Variants in CHST9 observed in about 807,000 individuals in gnomAD.
CHST9 encodes the protein carbohydrate sulfotransferase 9, also known as GalNAc-4-sulfotransferase 2.
CHST9 carries 41 observed loss-of-function variants against 44.4 expected under a neutral mutation model. The observed-to-expected ratio is 0.92, with a 90% CI of 0.72 to 1.20. The LOEUF is 1.20. Among genes scored for constraint, CHST9 ranks in the 50% most tolerant of loss-of-function variants. The pLI, the probability that CHST9 is intolerant of heterozygous loss-of-function variation, is 0.00. For synonymous variants in CHST9, 171 were observed against 178.4 expected (o/e 0.96, Z 0.33); for missense variants, 504 against 516.5 (o/e 0.98, Z 0.23).
In CHST9 at chr18:26,911,864, T is replaced by C. The variant is rs1015841475; in HGVS notation, c.*4395A>G. 1 of 43,588 alleles carries C rather than the reference T, an allele frequency of 2.3e-5. No individual in the cohort carries two copies. Among genetic ancestry groups the C allele is most frequent in the African/African-American group, 1.2e-4 (1 of 8,634 alleles). 2.7% of individuals were successfully genotyped at this position (43,588 alleles called of 1,614,324 possible). A position where few individuals can be genotyped will look rare whatever the true frequency, so the allele number is the denominator to read the frequency against. ...TATTTATTTTCACCTGGTTTCATGGTGTTTTTTCAGTCGGTTTAAGTCAGC... is the reference window on the plus strand; with the variant it reads ...TATTTATTTTCACCTGGTTTCATGGCGTTTTTTCAGTCGGTTTAAGTCAGC... On this transcript the variant is annotated 3_prime_UTR_variant, in exon 6 of 6. Transcript: ENST00000618847.
At chr18:27,056,226 G>C (rs2057653805) in intron 2 of CHST9, among the ~76,000 whole-genome samples, 1 of 152,088 alleles carries the variant, frequency 6.6e-6, no homozygotes, top group South Asian at 2.1e-4. Context: ...CCTACTATGA[G>C]TTGGGCATTC....
chr18:27,012,102 C>A (rs968015435), intron 4 of CHST9, among the ~76,000 whole-genome samples: 1 of 152,156 alleles, frequency 6.6e-6, no homozygotes, highest in Non-Finnish European at 1.5e-5. Flanking sequence ...AGTATGCTCC[C>A]AAGTCCATAA....
At position 27,112,578 on chromosome 18, in the gene CHST9, CGTGTGTGTGTGTGTGT is replaced by C. The variant is rs35249332; in HGVS notation, c.121+30095_121+30110del. Among the ~76,000 whole-genome samples the C allele has an allele frequency of 4.3e-5, 6 of 140,528 alleles. No homozygotes were observed. In the East Asian group the frequency reaches 6.2e-4, roughly 14 times the overall value. 92.2% of individuals were successfully genotyped at this position (140,528 alleles called of 152,430 possible). The stretch of plus-strand genomic sequence containing the variant: ...AGGATTTTAGATTAGGGATATTCAA[CGTGTGTGTGTGTGTGT>C]GTGTGTGTGTGTGTGTGTGTGTAGG... On this transcript the variant is annotated intron_variant, in intron 2 of 5. Coordinates refer to ENST00000618847, the MANE Select transcript of CHST9 (RefSeq NM_031422.6).
chr18:27,003,154 G>A lies in CHST9; in HGVS notation c.202+20962C>T, dbSNP rs11873283. On this transcript the variant is annotated intron_variant, in intron 4 of 5. Coordinates refer to ENST00000618847, the MANE Select transcript of CHST9 (RefSeq NM_031422.6). ...AATGAAAAGTTTATTTAAAGGTTGA[G>A]GGCAGAGTGAGGTGCTAAGAGTGGC... Among the ~76,000 whole-genome samples, 406 of 152,250 alleles carry A rather than the reference G, an allele frequency of 2.7e-3. 1 individual carries two copies. Among genetic ancestry groups the A allele is most frequent in the African/African-American group, 9.5e-3 (395 of 41,554 alleles).
chr18:27,095,512 C>G (rs1277429958), intron 2 of CHST9, among the ~76,000 whole-genome samples: 1 of 152,084 alleles, frequency 6.6e-6, no homozygotes, highest in Non-Finnish European at 1.5e-5. Context: ...GATGAAAAAA[C>G]AAGACCCATC....
intron 4 of CHST9, among the ~76,000 whole-genome samples, chr18:26,955,029 G>A (rs899820868): frequency 6.6e-6 from 1 of 151,964 alleles, no homozygotes; most frequent in Non-Finnish European, 1.5e-5. Context: ...TCCTGGCCCT[G>A]GTTTGCTCAT....
chr18:27,180,590 C>A (rs1249392233), intron 1 of CHST9, among the ~76,000 whole-genome samples: 2 of 152,064 alleles, frequency 1.3e-5, no homozygotes, highest in Non-Finnish European at 2.9e-5. Flanking sequence ...AGAGTTAACT[C>A]CCCTACCTAA....
chr18:27,048,451 G>C lies in CHST9; in HGVS notation c.160+14C>G. 6.3e-7 allele frequency: 1 copy of C among 1,599,802 alleles called. No homozygotes were observed. The highest frequency in any genetic ancestry group is 8.5e-7 in the Non-Finnish European group (1 of 1,172,578). On this transcript the variant is annotated intron_variant, in intron 3 of 5. Transcript: ENST00000618847. ...TCAGGAAATAAAGCTGGAGCCCATTGGACAAAATCTTACCTGAAGTTACTT... is the reference window on the plus strand; with the variant it reads ...TCAGGAAATAAAGCTGGAGCCCATTCGACAAAATCTTACCTGAAGTTACTT...
chr18:27,098,052 A>G (rs1301333833), intron 2 of CHST9, among the ~76,000 whole-genome samples: 1 of 151,994 alleles, frequency 6.6e-6, no homozygotes, highest in Non-Finnish European at 1.5e-5. Context: ...AATTTTTGCA[A>G]TCTACCCATC....
intron 4 of CHST9, among the ~76,000 whole-genome samples, chr18:26,994,510 T>C (rs1457292347): frequency 6.6e-6 from 1 of 152,158 alleles, no homozygotes; most frequent in Non-Finnish European, 1.5e-5. Context: ...GCCTCCCAAA[T>C]GGCTCTCAGT....
chr18:27,039,020 G>A (rs553588659), intron 3 of CHST9, among the ~76,000 whole-genome samples: 3 of 152,018 alleles, frequency 2.0e-5, no homozygotes, highest in Non-Finnish European at 4.4e-5. Flanking sequence ...AGAAGAAAGC[G>A]ACAGAGTAAA....
rs2055438859 is a variant in CHST9 at position 26,911,447 on chromosome 18, T to C, written c.*4812A>G. The C allele has an allele frequency of 6.6e-6, 1 of 152,218 alleles. No individual in the cohort carries two copies. The highest frequency in any genetic ancestry group is 2.1e-4 in the South Asian group (1 of 4,830). 9.4% of individuals were successfully genotyped at this position (152,218 alleles called of 1,614,324 possible). Reference sequence around the variant, plus strand: ...TGCATTTATTGGTAAGAGAATAATCTGATGCATGTTACACCAGGGGAAAAC... The same window carrying C: ...TGCATTTATTGGTAAGAGAATAATCCGATGCATGTTACACCAGGGGAAAAC... On this transcript the variant is annotated 3_prime_UTR_variant, in exon 6 of 6. Transcript: ENST00000618847.
chr18:27,133,394 C>T (rs779539729), intron 2 of CHST9, among the ~76,000 whole-genome samples: 2 of 152,062 alleles, frequency 1.3e-5, no homozygotes, highest in South Asian at 2.1e-4. Context: ...TCTGGGGTAT[C>T]GGGCAAAAGC....
intron 1 of CHST9, among the ~76,000 whole-genome samples, chr18:27,153,991 G>A (rs2058679476): frequency 6.6e-6 from 1 of 152,306 alleles, no homozygotes; most frequent in South Asian, 2.1e-4. Context: ...TGGCACAGAG[G>A]AGGCTAAGCT....
chr18:27,007,217 C>T (rs1360880568), intron 4 of CHST9, among the ~76,000 whole-genome samples: 1 of 152,168 alleles, frequency 6.6e-6, no homozygotes, highest in Non-Finnish European at 1.5e-5. Context: ...ATGGCTGTCT[C>T]CTGTTTCCAT....
At chr18:26,961,518 C>T (rs554845183) in intron 4 of CHST9, among the ~76,000 whole-genome samples, 1 of 151,986 alleles carries the variant, frequency 6.6e-6, no homozygotes, top group Non-Finnish European at 1.5e-5. Context: ...CAGCCTCGAA[C>T]TCTTGGGCTC....
intron 1 of CHST9, among the ~76,000 whole-genome samples, chr18:27,160,045 T>C (rs1466645476): frequency 2.0e-5 from 3 of 152,206 alleles, no homozygotes; most frequent in Non-Finnish European, 4.4e-5. Context: ...TACAATCATG[T>C]CTTCCGCAAA....
At chr18:27,154,461 A>G (rs896828309) in intron 1 of CHST9, among the ~76,000 whole-genome samples, 5 of 152,052 alleles carry the variant, frequency 3.3e-5, no homozygotes, top group African/African-American at 1.2e-4. Context: ...GAATGAATAG[A>G]TTTGTGCTGT....
intron 2 of CHST9, among the ~76,000 whole-genome samples, chr18:27,088,232 A>C (rs113868618): frequency 0.014 from 2,202 of 152,292 alleles, 49 homozygotes; most frequent in African/African-American, 0.051. Context: ...GGTTGGAAAG[A>C]CAGGCTTTCC....
Sources: allele counts gnomAD v4.1 joint callset (sites outside exome capture counted in the v4.1 genomes callset), GRCh38; gene constraint gnomAD v4.1.1; transcripts MANE v1.5; gene names NCBI Gene and HGNC (gene_info 2026-07-23, HGNC 2026-07-21).